Variants in PLCXD3 observed in about 807,000 individuals in gnomAD.
PLCXD3 encodes the protein phosphatidylinositol specific phospholipase C X domain containing 3, also known as PI-PLC X domain-containing protein 3.
A neutral mutation model predicts 25.5 loss-of-function variants in PLCXD3; 19 were observed. That is an observed-to-expected ratio of 0.75 (90% CI 0.52 to 1.09). The LOEUF is 1.09. Among genes scored for constraint, PLCXD3 ranks in the 50% least tolerant of loss-of-function variants. The probability of loss-of-function intolerance (pLI) is 0.00; values close to 1 mark genes in which losing one functional copy is unlikely to be tolerated. For missense variants in PLCXD3, 411 were observed against 388.1 expected, an observed-to-expected ratio of 1.06 and a Z score of -0.50; for synonymous variants, 174 against 137.6, an observed-to-expected ratio of 1.26 and a Z score of -1.85.
At chr5:41,376,329 T>TC (rs1318395213) in intron 2 of PLCXD3, among the ~76,000 whole-genome samples, 1 of 152,080 alleles carries the variant, frequency 6.6e-6, no homozygotes, top group African/African-American at 2.4e-5. Flanking sequence ...CCACTCTGTT[T>TC]CCCCCTTTAA....
At chr5:41,394,397 G>A (rs7718012) in intron 1 of PLCXD3, among the ~76,000 whole-genome samples, 86,003 of 151,856 alleles carry the variant, frequency 0.57, 24,903 homozygotes, top group South Asian at 0.71. Flanking sequence ...GAAAGAAAAA[G>A]GAAAGTAAAG....
At chr5:41,436,492 C>T (rs1747257928) in intron 1 of PLCXD3, among the ~76,000 whole-genome samples, 1 of 152,114 alleles carries the variant, frequency 6.6e-6, no homozygotes, top group African/African-American at 2.4e-5. Context: ...TTAATATGTT[C>T]AGTAAATGTT....
At chr5:41,459,933 TA>T (rs1264528288) in intron 1 of PLCXD3, among the ~76,000 whole-genome samples, 1 of 151,846 alleles carries the variant, frequency 6.6e-6, no homozygotes, top group Admixed American at 6.6e-5. Flanking sequence ...AATTATTAGA[TA>T]AAGATAAATC....
intron 1 of PLCXD3, among the ~76,000 whole-genome samples, chr5:41,409,762 A>T (rs1414610942): frequency 1.3e-5 from 2 of 152,210 alleles, no homozygotes; most frequent in Non-Finnish European, 2.9e-5. Context: ...TTGTTGCATG[A>T]AATAATATAT....
intron 1 of PLCXD3, among the ~76,000 whole-genome samples, chr5:41,433,453 G>A (rs538766192): frequency 2.0e-5 from 3 of 152,092 alleles, no homozygotes; most frequent in Admixed American, 1.3e-4. Flanking sequence ...ATGGATATTG[G>A]CTCCCCTAAA....
intron 1 of PLCXD3, among the ~76,000 whole-genome samples, chr5:41,506,704 A>G (rs1749058342): frequency 6.6e-6 from 1 of 152,254 alleles, no homozygotes; most frequent in Non-Finnish European, 1.5e-5. Flanking sequence ...ACAAGAACAG[A>G]GACTCAGAGC....
Position 41,311,820 on chromosome 5 carries a change from A to G in PLCXD3, c.*1797T>C, listed in dbSNP as rs924984907. 3.3e-5 allele frequency: 5 copies of G among 152,488 alleles called. No homozygotes were observed. Among genetic ancestry groups the G allele is most frequent in the African/African-American group, 1.2e-4 (5 of 41,438 alleles). The allele number at this position is 152,488 out of a possible 1,614,324, so 9.4% of individuals were successfully genotyped here. A position where few individuals can be genotyped will look rare whatever the true frequency, so the allele number is the denominator to read the frequency against. ...TTGATTATTTGTGGTCTTGACATAT[A>G]TGGTTTTGAATTGAACTCCCTTATC... On this transcript the variant is annotated 3_prime_UTR_variant, in exon 3 of 3. Coordinates refer to ENST00000377801, the MANE Select transcript of PLCXD3 (RefSeq NM_001005473.3).
intron 2 of PLCXD3, among the ~76,000 whole-genome samples, chr5:41,359,779 C>T (rs2860000): frequency 0.089 from 13,476 of 152,042 alleles, 879 homozygotes; most frequent in East Asian, 0.35. Context: ...TTCTCCAGTT[C>T]AATGACTTTA....
intron 1 of PLCXD3, among the ~76,000 whole-genome samples, chr5:41,459,081 C>A (rs938079866): frequency 5.9e-5 from 9 of 151,732 alleles, no homozygotes; most frequent in Admixed American, 2.6e-4. Context: ...CCTTCAATGC[C>A]AAGTACTCTT....
chr5:41,427,114 A>G (rs993732555), intron 1 of PLCXD3, among the ~76,000 whole-genome samples: 1 of 152,042 alleles, frequency 6.6e-6, no homozygotes, highest in African/African-American at 2.4e-5. Flanking sequence ...TTTCCTTCTC[A>G]GTGTCCATGG....
chr5:41,495,614 T>A (rs1281746976), intron 1 of PLCXD3, among the ~76,000 whole-genome samples: 1 of 152,162 alleles, frequency 6.6e-6, no homozygotes, highest in Non-Finnish European at 1.5e-5. Context: ...CAGTCAGGCA[T>A]CAGTCAGGCA....
intron 2 of PLCXD3, among the ~76,000 whole-genome samples, chr5:41,349,841 A>G (rs1028655519): frequency 6.6e-6 from 1 of 152,106 alleles, no homozygotes; most frequent in Non-Finnish European, 1.5e-5. Context: ...AGCACTGTGG[A>G]TACTCTGCTT....
intron 1 of PLCXD3, among the ~76,000 whole-genome samples, chr5:41,509,038 T>G (rs533387116): frequency 6.6e-6 from 1 of 152,350 alleles, no homozygotes; most frequent in East Asian, 1.9e-4. Context: ...TGTAGTAGCC[T>G]GTGCCTGCCA....
At chr5:41,470,173 G>T (rs187780257) in intron 1 of PLCXD3, among the ~76,000 whole-genome samples, 1 of 152,226 alleles carries the variant, frequency 6.6e-6, no homozygotes, top group Non-Finnish European at 1.5e-5. Context: ...AAACAAAGGG[G>T]GGTGGCAGTT....
intron 1 of PLCXD3, among the ~76,000 whole-genome samples, chr5:41,402,862 T>C (rs1580353474): frequency 6.6e-6 from 1 of 152,086 alleles, no homozygotes; most frequent in African/African-American, 2.4e-5. Context: ...ATATCATTTT[T>C]GTATTTTTAC....
intron 1 of PLCXD3, among the ~76,000 whole-genome samples, chr5:41,440,897 T>A (rs771746606): frequency 2.0e-5 from 3 of 152,188 alleles, no homozygotes; most frequent in Non-Finnish European, 2.9e-5. Flanking sequence ...GCAGAAAGGA[T>A]GTTCTCTTGA....
At chr5:41,412,413 T>C (rs1746577568) in intron 1 of PLCXD3, among the ~76,000 whole-genome samples, 1 of 152,230 alleles carries the variant, frequency 6.6e-6, no homozygotes, top group South Asian at 2.1e-4. Context: ...TAATAAATTC[T>C]CAGAAATTCA....
intron 1 of PLCXD3, among the ~76,000 whole-genome samples, chr5:41,448,747 A>G (rs1472266191): frequency 6.6e-6 from 1 of 152,216 alleles, no homozygotes; most frequent in Non-Finnish European, 1.5e-5. Context: ...GGAGAAGCTC[A>G]GTATAGTTAA....
chr5:41,483,089 G>A (rs1033544404), intron 1 of PLCXD3, among the ~76,000 whole-genome samples: 1 of 152,248 alleles, frequency 6.6e-6, no homozygotes, highest in South Asian at 2.1e-4. Context: ...CATTGGACAA[G>A]TTCATTTTAA....
Sources: gnomAD v4.1 joint callset for allele counts (sites outside exome capture counted in the v4.1 genomes callset) on GRCh38, gnomAD v4.1.1 for gene constraint, MANE v1.5 for transcripts, NCBI Gene and HGNC (gene_info 2026-07-23, HGNC 2026-07-21) for gene names.